The following NBEA variants were observed in gnomAD, a reference collection of about 807,000 sequenced individuals.
NBEA encodes lysosomal-trafficking regulator 2.
In NBEA, 44 loss-of-function variants were observed where a neutral mutation model predicts 343.4. That is an observed-to-expected ratio of 0.13 (90% CI 0.10 to 0.16). NBEA has a LOEUF of 0.16. Among genes scored for constraint, NBEA ranks in the 10% least tolerant of loss-of-function variants. NBEA has a pLI of 1.00. For synonymous variants in NBEA, 1,175 were observed against 1,238.7 expected (o/e 0.95, Z 1.08); for missense variants, 2,555 against 3,631.3 (o/e 0.70, Z 7.62).
At chr13:35,078,509 A>T (rs372185582) in intron 10 of NBEA, among the ~76,000 whole-genome samples, 1 of 152,176 alleles carries the variant, frequency 6.6e-6, no homozygotes, top group Non-Finnish European at 1.5e-5. Flanking sequence ...GTCAAATGAG[A>T]TGAATGTCAT....
Position 35,070,857 on chromosome 13 carries a change from GT to G in NBEA, c.1571+9del, listed in dbSNP as rs771875357. 5.6e-6 allele frequency: 9 copies of G among 1,609,342 alleles called. No individual in the cohort carries two copies. Among genetic ancestry groups the G allele is most frequent in the Non-Finnish European group, 7.6e-6 (9 of 1,178,140 alleles). ...TCAAGTGGAAACAACTGTCTGGTAA[GT>G]TTTCTTTGCATGTACAATTGCTGGT... is the stretch of plus-strand genomic sequence containing the variant. On this transcript the variant is annotated splice_donor_region_variant and intron_variant, in intron 10 of 58. Coordinates refer to ENST00000379939, the MANE Select transcript of NBEA (RefSeq NM_001385012.1).
intron 1 of NBEA, among the ~76,000 whole-genome samples, chr13:35,025,092 A>G (rs2061973324): frequency 6.6e-6 from 1 of 152,080 alleles, no homozygotes; most frequent in Admixed American, 6.6e-5. Flanking sequence ...TAGGATGCAT[A>G]GTTTGCAAAT....
intron 33 of NBEA, among the ~76,000 whole-genome samples, chr13:35,211,644 G>A (rs1189336587): frequency 6.6e-6 from 1 of 151,708 alleles, no homozygotes; most frequent in Non-Finnish European, 1.5e-5. Flanking sequence ...GTGAAACCTT[G>A]TCTTTACTAA....
Position 35,226,845 on chromosome 13 carries a change from C to G in NBEA, c.5649-5647C>G, listed in dbSNP as rs1002202698. Among the ~76,000 whole-genome samples the G allele has an allele frequency of 2.0e-5, 3 of 152,072 alleles. No individual in the cohort carries two copies. The South Asian group carries it at 6.2e-4, about 32-fold the overall frequency. On this transcript the variant is annotated intron_variant, in intron 33 of 58. Coordinates refer to ENST00000379939, the MANE Select transcript of NBEA (RefSeq NM_001385012.1). ...TGAATTCCTGGGCTCAAGTGATTTT[C>G]CTGCCTCAGCTTCCTAAGTTGTTGG...
At chr13:35,426,957 T>C (rs2044720757) in intron 38 of NBEA, among the ~76,000 whole-genome samples, 1 of 152,222 alleles carries the variant, frequency 6.6e-6, no homozygotes, top group Non-Finnish European at 1.5e-5. Flanking sequence ...CGTCACGTAG[T>C]TCTTGTGCCA....
intron 47 of NBEA, among the ~76,000 whole-genome samples, chr13:35,603,976 G>A (rs2153050076): frequency 6.6e-6 from 1 of 152,314 alleles, no homozygotes; most frequent in East Asian, 1.9e-4. Flanking sequence ...ATACATTGAA[G>A]TCATAAGATA....
intron 41 of NBEA, among the ~76,000 whole-genome samples, chr13:35,509,670 G>A (rs60355538): frequency 0.048 from 7,335 of 152,194 alleles, 426 homozygotes; most frequent in East Asian, 0.21. Context: ...AAGATAGGAA[G>A]GAGTTGTTTG....
At chr13:35,319,708 A>G (rs1366270772) in intron 36 of NBEA, among the ~76,000 whole-genome samples, 6 of 152,166 alleles carry the variant, frequency 3.9e-5, no homozygotes, top group African/African-American at 1.4e-4. Context: ...GTCTCCCACT[A>G]TTATTGCGTA....
At chr13:35,016,593 C>T (rs1052870927) in intron 1 of NBEA, among the ~76,000 whole-genome samples, 3 of 4,468 alleles carry the variant, frequency 6.7e-4, no homozygotes, top group Non-Finnish European at 0.015. Context: ...TGTGTATACA[C>T]ACACACACAC....
intron 1 of NBEA, among the ~76,000 whole-genome samples, chr13:34,972,144 A>T: frequency 6.6e-6 from 1 of 152,104 alleles, no homozygotes; most frequent in East Asian, 1.9e-4. Context: ...TGTTTATAAT[A>T]TTCTCCGATG....
chr13:35,439,940 TGC>T (rs1329041194), intron 39 of NBEA, among the ~76,000 whole-genome samples: 3 of 152,172 alleles, frequency 2.0e-5, no homozygotes, highest in African/African-American at 7.2e-5. Flanking sequence ...AGTGCAATGG[TGC>T]GATCTTGGCT....
At chr13:35,143,306 G>T (rs2068200520) in intron 18 of NBEA, among the ~76,000 whole-genome samples, 1 of 152,158 alleles carries the variant, frequency 6.6e-6, no homozygotes, top group Non-Finnish European at 1.5e-5. Flanking sequence ...TTGCACTGTT[G>T]CTTGGCAAAC....
intron 45 of NBEA, among the ~76,000 whole-genome samples, chr13:35,571,310 A>G (rs973225440): frequency 6.6e-6 from 1 of 152,196 alleles, no homozygotes; most frequent in Non-Finnish European, 1.5e-5. Flanking sequence ...CTTCTGAATG[A>G]AAGTTTCAGA....
chr13:35,566,758 G>C (rs1012412703), intron 44 of NBEA, 147 bp from the exon 45 acceptor site: 2 of 514,998 alleles, frequency 3.9e-6, no homozygotes, highest in African/African-American at 3.9e-5. Flanking sequence ...GAATTCCCTT[G>C]AAATGCATTG....
At position 35,329,878 on chromosome 13, in the gene NBEA, A is replaced by G. The variant is rs564474349; in HGVS notation, c.5904-19230A>G. ...AAGTTCAGGCTCTGTAACACTACCC[A>G]GAAGGCCTTCGCTTATCTGGCCTTC... On this transcript the variant is annotated intron_variant, in intron 36 of 58. Coordinates refer to ENST00000379939, the MANE Select transcript of NBEA (RefSeq NM_001385012.1). Among the ~76,000 whole-genome samples the G allele has an allele frequency of 1.5e-3, 224 of 152,126 alleles. 1 individual carries two copies. Among genetic ancestry groups the G allele is most frequent in the African/African-American group, 4.9e-3 (205 of 41,556 alleles).
intron 1 of NBEA, among the ~76,000 whole-genome samples, chr13:34,965,520 G>A (rs895590389): frequency 6.6e-6 from 1 of 151,932 alleles, no homozygotes; most frequent in Non-Finnish European, 1.5e-5. Flanking sequence ...TGGAGTGAGG[G>A]CATTCCAGAT....
intron 35 of NBEA, among the ~76,000 whole-genome samples, chr13:35,308,451 T>C (rs1390465404): frequency 2.6e-4 from 30 of 116,774 alleles, no homozygotes; most frequent in African/African-American, 3.7e-4. Context: ...TATATATATA[T>C]ATATATATAT....
At chr13:35,260,294 G>A (rs2033089938) in intron 34 of NBEA, among the ~76,000 whole-genome samples, 1 of 152,152 alleles carries the variant, frequency 6.6e-6, no homozygotes, top group Admixed American at 6.5e-5. Context: ...AATTCTAAAA[G>A]ACATACTTTG....
At chr13:35,498,172 T>C (rs1337210849) in intron 41 of NBEA, among the ~76,000 whole-genome samples, 10 of 152,108 alleles carry the variant, frequency 6.6e-5, no homozygotes, top group Non-Finnish European at 1.5e-5. Context: ...TTACTGTTTA[T>C]GTATAGGTTA....
Sources: gnomAD v4.1 joint callset for allele counts (sites outside exome capture counted in the v4.1 genomes callset) on GRCh38, gnomAD v4.1.1 for gene constraint, MANE v1.5 for transcripts, NCBI Gene and HGNC (gene_info 2026-07-23, HGNC 2026-07-21) for gene names.